The following MSL2 variants were observed in gnomAD, a reference collection of about 807,000 sequenced individuals.
The protein encoded by MSL2 is MSL complex subunit 2.
Under a neutral mutation model 35.8 loss-of-function variants are expected in MSL2, and 2 were observed. The ratio of observed to expected loss-of-function variants is 0.06; its 90% CI spans 0.02 to 0.18. The LOEUF is 0.18. Among genes scored for constraint, MSL2 ranks in the 10% least tolerant of loss-of-function variants. The pLI is 1.00. For missense variants in MSL2, 523 were observed against 706.7 expected, an observed-to-expected ratio of 0.74 and a Z score of 2.95; for synonymous variants, 296 against 255.7, an observed-to-expected ratio of 1.16 and a Z score of -1.50.
intron 1 of MSL2, among the ~76,000 whole-genome samples, chr3:136,178,203 A>G (rs1940236431): frequency 6.6e-6 from 1 of 152,214 alleles, no homozygotes; most frequent in Admixed American, 6.5e-5. Context: ...GGAGGCTTTT[A>G]TAGAATGTTT....
At chr3:136,190,005 C>T (rs1033262687) in intron 1 of MSL2, among the ~76,000 whole-genome samples, 2 of 151,920 alleles carry the variant, frequency 1.3e-5, no homozygotes, top group African/African-American at 4.8e-5. Flanking sequence ...CACCTGGACC[C>T]GGGAGACAAA....
intron 1 of MSL2, among the ~76,000 whole-genome samples, chr3:136,155,060 T>A (rs1445667441): frequency 6.6e-6 from 1 of 151,778 alleles, no homozygotes; most frequent in East Asian, 1.9e-4. Context: ...ATACAAAAAT[T>A]AGCTGGGAGT....
intron 1 of MSL2, chr3:136,194,394 C>T (rs1432002890): frequency 1.0e-6 from 1 of 984,948 alleles, no homozygotes; most frequent in Non-Finnish European, 1.2e-6. Context: ...AAAAGTCTCA[C>T]CAGCTAAAAA....
At chr3:136,176,232 G>A (rs778779405) in intron 1 of MSL2, among the ~76,000 whole-genome samples, 2 of 152,058 alleles carry the variant, frequency 1.3e-5, no homozygotes, top group Non-Finnish European at 2.9e-5. Flanking sequence ...TTCAGTGGCC[G>A]GCTGGGTGTG....
chr3:136,160,713 A>T (rs1939685700), intron 1 of MSL2, among the ~76,000 whole-genome samples: 1 of 144,854 alleles, frequency 6.9e-6, no homozygotes. Flanking sequence ...CATCTCAATT[A>T]AAAAAAAAAA....
intron 1 of MSL2, among the ~76,000 whole-genome samples, chr3:136,159,657 A>G (rs2108065769): frequency 6.6e-6 from 1 of 151,832 alleles, no homozygotes; most frequent in African/African-American, 2.4e-5. Context: ...GGCGTGAGCC[A>G]CCACGCCTGG....
intron 1 of MSL2, among the ~76,000 whole-genome samples, chr3:136,168,541 CA>C (rs1294718299): frequency 1.3e-5 from 2 of 152,098 alleles, no homozygotes; most frequent in African/African-American, 4.8e-5. Flanking sequence ...TGTTCTCACT[CA>C]TAAGTGGGAG....
chr3:136,188,954 T>G (rs529072814), intron 1 of MSL2, among the ~76,000 whole-genome samples: 8 of 151,704 alleles, frequency 5.3e-5, no homozygotes, highest in Non-Finnish European at 1.2e-4. Flanking sequence ...TAACAATGCA[T>G]TTAGGGAGTC....
At position 136,195,597 on chromosome 3, in the gene MSL2, G is replaced by C. The variant is rs1559977430; in HGVS notation, c.-484C>G. 1.0e-6 allele frequency: 1 copy of C among 986,586 alleles called. No homozygotes were observed. The highest frequency in any genetic ancestry group is 1.2e-6 in the Non-Finnish European group (1 of 830,808). 61.1% of individuals were successfully genotyped at this position (986,586 alleles called of 1,614,324 possible). A position where few individuals can be genotyped will look rare whatever the true frequency, so the allele number is the denominator to read the frequency against. On this transcript the variant is annotated 5_prime_UTR_variant, in exon 1 of 2. Transcript: ENST00000309993. ...GGCCTCTTACTCCATCCCAGTACAG[G>C]GCGCGGAGGCGGCGGCGACGGCAAG...
chr3:136,185,537 T>TGTGG (rs1940495020), intron 1 of MSL2, among the ~76,000 whole-genome samples: 1 of 64,178 alleles, frequency 1.6e-5, no homozygotes, highest in Non-Finnish European at 3.4e-5. Flanking sequence ...TCTTTTTTTT[T>TGTGG]GGAGGGGGGG....
At position 136,149,969 on chromosome 3, in the gene MSL2, T is replaced by TAG. The variant is rs1286629071; in HGVS notation, c.*1176_*1177dup. 1 of 152,672 alleles carries TAG rather than the reference T, an allele frequency of 6.5e-6. No homozygotes were observed. The highest frequency in any genetic ancestry group is 1.5e-5 in the Non-Finnish European group (1 of 68,050). The allele number at this position is 152,672 out of a possible 1,614,324, so 9.5% of individuals were successfully genotyped here. On this transcript the variant is annotated 3_prime_UTR_variant, in exon 2 of 2. Transcript: ENST00000309993. The stretch of plus-strand genomic sequence containing the variant: ...GGCTGTGCTCTTTCAAGCAACTGAC[T>TAG]AGATTTCCCTTCAACAGAATGTTTG...
rs76429077 is a variant in MSL2, at chr3:136,183,283, C to T, written c.142+11689G>A. Among the ~76,000 whole-genome samples the T allele has an allele frequency of 1.2e-3, 177 of 152,188 alleles. No homozygotes were observed. In the Middle Eastern group the frequency reaches 0.014, roughly 12 times the overall value. On this transcript the variant is annotated intron_variant, in intron 1 of 1. Coordinates refer to ENST00000309993, the MANE Select transcript of MSL2 (RefSeq NM_018133.4). The stretch of plus-strand genomic sequence containing the variant: ...AATGAAATTTATATTAAGCCAAATG[C>T]GGTGGCTCACTCCTGTAACCCCAGC...
chr3:136,155,103 G>A (rs1387824773), intron 1 of MSL2, among the ~76,000 whole-genome samples: 5 of 152,080 alleles, frequency 3.3e-5, no homozygotes, highest in African/African-American at 1.2e-4. Context: ...AGCTACTCGG[G>A]GGAGCTGAGG....
chr3:136,176,829 C>T (rs761191316), intron 1 of MSL2, among the ~76,000 whole-genome samples: 25 of 152,142 alleles, frequency 1.6e-4, no homozygotes, highest in Non-Finnish European at 3.7e-4. Context: ...ACTCCCTGTA[C>T]AGCCTGCAGA....
intron 1 of MSL2, among the ~76,000 whole-genome samples, chr3:136,153,753 G>A (rs183656334): frequency 6.1e-5 from 9 of 148,442 alleles, no homozygotes; most frequent in Non-Finnish European, 1.2e-4. Context: ...TCACACCACT[G>A]CAATCCAGCC....
chr3:136,156,465 TATATAAGA>T (rs1270056893), intron 1 of MSL2, among the ~76,000 whole-genome samples: 1 of 152,214 alleles, frequency 6.6e-6, no homozygotes, highest in Non-Finnish European at 1.5e-5. Flanking sequence ...TACAGAAAGC[TATATAAGA>T]CAAGGGCTCC....
intron 1 of MSL2, among the ~76,000 whole-genome samples, chr3:136,154,781 G>A (rs1254409285): frequency 2.0e-5 from 3 of 152,332 alleles, no homozygotes; most frequent in East Asian, 1.9e-4. Context: ...TCTTAAGCTA[G>A]GCACAGTGGC....
intron 1 of MSL2, among the ~76,000 whole-genome samples, chr3:136,167,105 A>C (rs1482319346): frequency 1.3e-5 from 2 of 152,206 alleles, no homozygotes; most frequent in African/African-American, 4.8e-5. Context: ...ATACTTAGCA[A>C]AATTTGTTAA....
At chr3:136,161,112 A>G (rs1448637717) in intron 1 of MSL2, among the ~76,000 whole-genome samples, 1 of 152,188 alleles carries the variant, frequency 6.6e-6, no homozygotes, top group African/African-American at 2.4e-5. Flanking sequence ...ATGAATGACC[A>G]TAAGCACATG....
Sources: gnomAD v4.1 joint callset for allele counts (sites outside exome capture counted in the v4.1 genomes callset) on GRCh38, gnomAD v4.1.1 for gene constraint, MANE v1.5 for transcripts, NCBI Gene and HGNC (gene_info 2026-07-23, HGNC 2026-07-21) for gene names.